Variants in MAP1S observed in about 807,000 individuals in gnomAD.
MAP1S encodes microtubule-associated protein 1S.
In MAP1S, 27 loss-of-function variants were observed where a neutral mutation model predicts 60.9. The observed-to-expected ratio is 0.44, with a 90% CI of 0.33 to 0.61. The LOEUF (loss-of-function observed/expected upper bound fraction) is 0.61, where lower values mean the gene tolerates loss of function less well. Among genes scored for constraint, MAP1S ranks in the 20% least tolerant of loss-of-function variants. The pLI is 0.03. For missense variants in MAP1S, 1,608 were observed against 1,486.6 expected, an observed-to-expected ratio of 1.08 and a Z score of -1.34; for synonymous variants, 826 against 694.2, an observed-to-expected ratio of 1.19 and a Z score of -2.98.
rs200058724 is a variant in MAP1S at position 17,733,193 on chromosome 19, G to C, written c.2789G>C (p.Gly930Ala). The stretch of plus-strand genomic sequence containing the variant: ...TGCCTCCCCATCCCCCCGCCCGCAG[G>C]GTCAGCCAGCAGCCGGCCCGGGGTG... ...TPKTATRGPS[G>A]SASSRPGVSA... The change falls in exon 6 of 7, where the codon GGG (glycine) becomes GCG (alanine). Residue 930 changes from glycine to alanine, a missense_variant and splice_region_variant. Gly to Ala is a moderately conservative substitution (Grantham distance 60). Coordinates refer to ENST00000324096, the MANE Select transcript of MAP1S (RefSeq NM_018174.6). The C allele has an allele frequency of 1.3e-6, 2 of 1,535,306 alleles. No individual in the cohort carries two copies. The highest frequency in any genetic ancestry group is 2.0e-5 in the Admixed American group (1 of 49,406).
Position 17,727,552 on chromosome 19 carries a change from G to A in MAP1S, c.2168G>A (p.Gly723Asp), listed in dbSNP as rs1244572017. The A allele has an allele frequency of 3.7e-6, 6 of 1,608,128 alleles. No individual in the cohort carries two copies. In the South Asian group the frequency reaches 6.6e-5, roughly 18 times the overall value. Residue 723 changes from glycine to aspartate, a missense_variant, in exon 5 of 7, where the codon GGC (glycine) becomes GAC (aspartate). Transcript: ENST00000324096. This position sits in a 1 kb window ranked among gnomAD's most constrained non-coding sequence, Gnocchi z 4.1. ...SEAGLSLPLR[G>D]PRARRSASPH... ...GCTGGGCTGAGCCTCCCGCTGCGTG[G>A]CCCCCGGGCGCGGCGCTCGGCTTCC...
intron 1 of MAP1S, chr19:17,720,003 G>T: frequency 7.6e-6 from 4 of 528,892 alleles, no homozygotes; most frequent in Non-Finnish European, 7.4e-6. Flanking sequence ...CCAGGTCTTA[G>T]CAGCTTAGAT....
In MAP1S at chr19:17,733,414, G is replaced by T. The variant is rs1267120650; in HGVS notation, c.3010G>T (p.Asp1004Tyr). 6.2e-7 allele frequency: 1 copy of T among 1,603,102 alleles called. No homozygotes were observed. Among genetic ancestry groups the T allele is most frequent in the South Asian group, 1.1e-5 (1 of 89,532 alleles). The stretch of plus-strand genomic sequence containing the variant: ...GCTACTGGCCAGCAAGCAGCATTGG[G>T]ACCGTGACCTGCAGGTGCGTGTCAC... ...DALLASKQHWDRDLQVTLIPT... is the reference protein window; with the variant it reads ...DALLASKQHWYRDLQVTLIPT... The change falls in exon 6 of 7, where the codon GAC becomes TAC. Residue 1004 changes from aspartate to tyrosine, a missense_variant. Physicochemically the swap from Asp to Tyr is radical, Grantham distance 160. This residue lies in a region of MAP1S where 76 missense variants were observed against 110.1 expected (regional missense o/e 0.69). Transcript: ENST00000324096.
intron 2 of MAP1S, chr19:17,721,453 G>T (rs1318542516): frequency 6.9e-6 from 2 of 291,400 alleles, no homozygotes; most frequent in Non-Finnish European, 1.3e-5. Context: ...GCAGCGGGCG[G>T]ATCACTTGAG....
chr19:17,721,144 A>T, intron 2 of MAP1S, 107 bp downstream of exon 2: 4 of 891,144 alleles, frequency 4.5e-6, no homozygotes, highest in Non-Finnish European at 7.6e-6. Context: ...AACAACAGTA[A>T]TAATACAGTT....
Position 17,726,697 on chromosome 19 carries a change from C to T in MAP1S, c.1313C>T (p.Pro438Leu). Reference protein sequence around the residue: ...VRVLFPGCTPPACLLDGLVRL... With the variant: ...VRVLFPGCTPLACLLDGLVRL... The stretch of plus-strand genomic sequence containing the variant: ...GTGCTGTTCCCCGGTTGCACCCCGC[C>T]CGCCTGCCTCCTGGACGGCCTGGTC... Residue 438 changes from proline (P) to leucine (L), a missense_variant, in exon 5 of 7, where the codon CCC (proline) becomes CTC (leucine). Transcript: ENST00000324096. 1 of 1,589,230 alleles carries T rather than the reference C, an allele frequency of 6.3e-7. No individual in the cohort carries two copies. The highest frequency in any genetic ancestry group is 8.5e-7 in the Non-Finnish European group (1 of 1,171,610).
At position 17,726,440 on chromosome 19, in the gene MAP1S, G is replaced by A. The variant is rs1402233592; in HGVS notation, c.1056G>A (p.Glu352=). The A allele has an allele frequency of 5.8e-6, 9 of 1,557,872 alleles. No homozygotes were observed. In the Admixed American group the frequency reaches 1.3e-4, roughly 23 times the overall value. ...CCGCGTCGCGGCTGGCGCGCGGCGA[G>A]GATGAGGCGGAGCTGGCGCTGAGCC... is the stretch of plus-strand genomic sequence containing the variant. ...CEAASRLARG[E]DEAELALSLL... is the part of the protein sequence containing the mutation. The change falls in exon 5 of 7, where the codon GAG becomes GAA. Residue 352 remains glutamate, a synonymous_variant. Coordinates refer to ENST00000324096, the MANE Select transcript of MAP1S (RefSeq NM_018174.6).
At chr19:17,724,498 T>C (rs1234110177) in intron 3 of MAP1S, among the ~76,000 whole-genome samples, 1 of 152,154 alleles carries the variant, frequency 6.6e-6, no homozygotes, top group East Asian at 1.9e-4. Flanking sequence ...CAGACAGGTT[T>C]TCCTCCTGTG....
rs2080422492 is a variant in MAP1S at position 17,726,418 on chromosome 19, C to T, written c.1034C>T (p.Ala345Val). Residue 345 changes from alanine to valine, a missense_variant, in exon 5 of 7, where the codon GCG becomes GTG. By Grantham distance (64) the Ala-to-Val change is moderately conservative (BLOSUM62 0). Around this residue, in one of 4 missense-constraint regions of MAP1S, gnomAD observed 1,167 missense variants for 961.4 expected, o/e 1.21. Coordinates refer to ENST00000324096, the MANE Select transcript of MAP1S (RefSeq NM_018174.6). ...GTGTTCTTCAACGCCTGCGAGGCCG[C>T]GTCGCGGCTGGCGCGCGGCGAGGAT... ...GVVFFNACEA[A>V]SRLARGEDEA... is the part of the protein sequence containing the mutation. 1 of 1,571,626 alleles carries T rather than the reference C, an allele frequency of 6.4e-7. No homozygotes were observed. Among genetic ancestry groups the T allele is most frequent in the Non-Finnish European group, 8.6e-7 (1 of 1,166,096 alleles).
chr19:17,729,076 G>C (rs2080470089), intron 5 of MAP1S: 1 of 152,160 alleles, frequency 6.6e-6, no homozygotes, highest in Admixed American at 6.5e-5. Context: ...TAACTGATTG[G>C]TTAGGAGGAC....
In MAP1S at chr19:17,726,939, G is replaced by A. The variant is rs1010142652; in HGVS notation, c.1555G>A (p.Ala519Thr). 6.4e-7 allele frequency: 1 copy of A among 1,571,726 alleles called. No individual in the cohort carries two copies. The highest frequency in any genetic ancestry group is 8.6e-7 in the Non-Finnish European group (1 of 1,159,254). The change falls in exon 5 of 7, where the codon GCC becomes ACC. Residue 519 changes from alanine to threonine, a missense_variant. This residue lies in a region of MAP1S where 1,167 missense variants were observed against 961.4 expected (regional missense o/e 1.21). Coordinates refer to ENST00000324096, the MANE Select transcript of MAP1S (RefSeq NM_018174.6). ...AEAPRKTEKEAKTPRELKKDP... is the reference protein window; with the variant it reads ...AEAPRKTEKETKTPRELKKDP... The stretch of plus-strand genomic sequence containing the variant: ...GGCCCCACGCAAGACTGAGAAAGAA[G>A]CCAAGACCCCCCGGGAGTTGAAGAA...
intron 5 of MAP1S, among the ~76,000 whole-genome samples, chr19:17,731,477 T>C (rs979945879): frequency 1.3e-5 from 2 of 152,226 alleles, no homozygotes; most frequent in Non-Finnish European, 2.9e-5. Context: ...TCTGTCTTTA[T>C]GCCAGTGCCA....
chr19:17,726,794 C>G lies in MAP1S; in HGVS notation c.1410C>G (p.Ala470=), dbSNP rs1239712826. The G allele has an allele frequency of 3.9e-6, 6 of 1,557,956 alleles. No homozygotes were observed. The highest frequency in any genetic ancestry group is 5.2e-6 in the Non-Finnish European group (6 of 1,152,468). Residue 470 remains alanine (A), a synonymous_variant, in exon 5 of 7, where the codon GCC becomes GCG. Coordinates refer to ENST00000324096, the MANE Select transcript of MAP1S (RefSeq NM_018174.6). ...AGGACCTGGAGGGGCCGGGGCGAGC[C>G]GAGAGCAAAGAGAGCGTGGGCTCCC... The part of the protein sequence containing the change: ...TPQDLEGPGR[A]ESKESVGSRD...
At position 17,724,190 on chromosome 19, in the gene MAP1S, C is replaced by T. The variant is rs199663633; in HGVS notation, c.285C>T (p.Asp95=). 1.1e-4 allele frequency: 185 copies of T among 1,613,948 alleles called. 1 individual carries two copies. The highest frequency in any genetic ancestry group is 8.2e-4 in the Middle Eastern group (5 of 6,062). ...LETLVLLNPS[D]KSLYDELRNL... ...CCCTGGTCCTCCTGAACCCATCAGA[C>T]AAGTCCCTGTATGATGAGGTAGGGA... The change falls in exon 3 of 7, where the codon GAC becomes GAT. Residue 95 remains aspartate, a synonymous_variant. Coordinates refer to ENST00000324096, the MANE Select transcript of MAP1S (RefSeq NM_018174.6).
rs1480794898 is a variant in MAP1S, at chr19:17,726,779, G to A, written c.1395G>A (p.Glu465=). The change falls in exon 5 of 7, where the codon GAG becomes GAA. Residue 465 remains glutamate, a synonymous_variant. Transcript: ENST00000324096. ...REPVVTPQDL[E]GPGRAESKES... ...CCGTGGTGACGCCCCAGGACCTGGA[G>A]GGGCCGGGGCGAGCCGAGAGCAAAG... is the stretch of plus-strand genomic sequence containing the variant. 1.4e-5 allele frequency: 21 copies of A among 1,555,372 alleles called. No individual in the cohort carries two copies. The highest frequency in any genetic ancestry group is 1.9e-5 in the Admixed American group (1 of 51,432).
At chr19:17,723,725 C>A (rs1467087243) in intron 2 of MAP1S, among the ~76,000 whole-genome samples, 1 of 152,162 alleles carries the variant, frequency 6.6e-6, no homozygotes, top group Non-Finnish European at 1.5e-5. Context: ...TGGCGGGCAC[C>A]TGTAGTCCTG....
chr19:17,734,116 T>C (rs963200767), intron 6 of MAP1S, among the ~76,000 whole-genome samples, 157 bp from the exon 7 acceptor site: 7 of 152,046 alleles, frequency 4.6e-5, no homozygotes, highest in Non-Finnish European at 7.4e-5. Flanking sequence ...TGACCACCCA[T>C]TGCAGACCTC....
rs546048262 is a variant in MAP1S, at chr19:17,726,880, C to T, written c.1496C>T (p.Pro499Leu). ...CACCCTAGACCTGGCCAGGAGCGCC[C>T]TGGGGTGGCCCGCAAGGAGCCAGCA... ...ATHPRPGQER[P>L]GVARKEPARA... Residue 499 changes from proline to leucine, a missense_variant, in exon 5 of 7, where the codon CCT (proline) becomes CTT (leucine). Physicochemically the swap from Pro to Leu is moderately conservative, Grantham distance 98 (BLOSUM62 -3). Around this residue, in one of 4 missense-constraint regions of MAP1S, gnomAD observed 1,167 missense variants for 961.4 expected, o/e 1.21. Transcript: ENST00000324096. 35 of 1,556,678 alleles carry T rather than the reference C, an allele frequency of 2.2e-5. No individual in the cohort carries two copies. In the East Asian group the frequency reaches 7.0e-4, roughly 31 times the overall value.
intron 2 of MAP1S, 140 bp downstream of exon 2, chr19:17,721,177 T>C: frequency 2.7e-6 from 2 of 737,510 alleles, no homozygotes; most frequent in South Asian, 2.9e-5. Flanking sequence ...ATGCAAGCCG[T>C]GACCCAGTGA....
Sources: allele counts gnomAD v4.1 joint callset (sites outside exome capture counted in the v4.1 genomes callset), GRCh38; gene constraint gnomAD v4.1.1; regional missense constraint gnomAD v4.1.1; non-coding constraint Gnocchi (gnomAD v3.1); transcripts MANE v1.5; gene names NCBI Gene and HGNC (gene_info 2026-07-23, HGNC 2026-07-21).